The following SEC24A variants were observed in gnomAD, a reference collection of about 807,000 sequenced individuals.
SEC24A encodes the protein SEC24 homolog A, COPII component, also known as protein transport protein Sec24A.
A neutral mutation model predicts 129.4 loss-of-function variants in SEC24A; 93 were observed. The ratio of observed to expected loss-of-function variants is 0.72; its 90% CI spans 0.61 to 0.85. The LOEUF is 0.85. SEC24A is among the 40% of genes least tolerant of loss of function. The pLI, the probability that SEC24A is intolerant of heterozygous loss-of-function variation, is 0.00. For missense variants in SEC24A, 1,264 were observed against 1,307.4 expected, an observed-to-expected ratio of 0.97 and a Z score of 0.51; for synonymous variants, 460 against 467.3, an observed-to-expected ratio of 0.98 and a Z score of 0.20.
intron 3 of SEC24A, among the ~76,000 whole-genome samples, chr5:134,669,185 A>T (rs1750768351): frequency 6.6e-6 from 1 of 150,780 alleles, no homozygotes; most frequent in Admixed American, 6.6e-5. Context: ...TTTTTTTTTG[A>T]GAGGGAGTTT....
intron 13 of SEC24A, among the ~76,000 whole-genome samples, chr5:134,695,224 T>G (rs1160787533): frequency 6.6e-6 from 1 of 151,828 alleles, no homozygotes; most frequent in Non-Finnish European, 1.5e-5. Context: ...CAAAAAAAAT[T>G]AGCCAGGTGT....
intron 15 of SEC24A, among the ~76,000 whole-genome samples, chr5:134,700,144 G>A (rs1018247196): frequency 2.6e-5 from 4 of 151,874 alleles, no homozygotes; most frequent in African/African-American, 9.7e-5. Flanking sequence ...GGGGTGTGGA[G>A]CACAGATTGA....
At position 134,723,019 on chromosome 5, in the gene SEC24A, G is replaced by T. The variant is rs140655794; in HGVS notation, c.3064-548G>T. On this transcript the variant is annotated intron_variant, in intron 21 of 22. Coordinates refer to ENST00000398844, the MANE Select transcript of SEC24A (RefSeq NM_021982.3). ...AAAATACAAAAATTACCTGGCAGGT[G>T]GCACACGCCTCTTATTCCAGCTACT... Among the ~76,000 whole-genome samples the T allele has an allele frequency of 4.8e-3, 737 of 152,246 alleles. 3 individuals carry two copies. The highest frequency in any genetic ancestry group is 0.017 in the African/African-American group (706 of 41,544).
intron 3 of SEC24A, among the ~76,000 whole-genome samples, chr5:134,670,662 A>G (rs1201932408): frequency 2.0e-5 from 3 of 152,186 alleles, no homozygotes; most frequent in Admixed American, 6.5e-5. Flanking sequence ...GTCATCTTCA[A>G]ATTAATTTGG....
rs1406500101 is a variant in SEC24A at position 134,679,848 on chromosome 5, A to G, written c.1381+120A>G. On this transcript the variant is annotated intron_variant, in intron 8 of 22. Transcript: ENST00000398844. ...TTATTTACCTCTAGTCAATCCTTCC[A>G]CTCAGAGAAAACTACAGGTAACTTT... 9.4e-6 allele frequency: 6 copies of G among 641,466 alleles called. No individual in the cohort carries two copies. In the African/African-American group the frequency reaches 1.1e-4, roughly 12 times the overall value. 39.7% of individuals were successfully genotyped at this position (641,466 alleles called of 1,614,324 possible). A position where few individuals can be genotyped will look rare whatever the true frequency, so the allele number is the denominator to read the frequency against.
intron 11 of SEC24A, among the ~76,000 whole-genome samples, chr5:134,691,272 A>T (rs1173048398): frequency 6.7e-6 from 1 of 149,486 alleles, no homozygotes; most frequent in African/African-American, 2.5e-5. Flanking sequence ...TCCTGGGTTC[A>T]AGCAATTCTC....
intron 7 of SEC24A, 88 bp downstream of exon 7, chr5:134,676,213 T>A: frequency 1.2e-6 from 1 of 847,534 alleles, no homozygotes; most frequent in South Asian, 1.8e-5. Flanking sequence ...AGTCTCAGCT[T>A]ATTGCAACCT....
At chr5:134,652,826 ACT>A (rs1417007114) in intron 1 of SEC24A, among the ~76,000 whole-genome samples, 1 of 143,166 alleles carries the variant, frequency 7.0e-6, no homozygotes, top group Non-Finnish European at 1.5e-5. Context: ...ACGGAGTCTC[ACT>A]CTGTCACCCA....
At chr5:134,671,498 T>C (rs1750861092) in intron 3 of SEC24A, among the ~76,000 whole-genome samples, 1 of 152,212 alleles carries the variant, frequency 6.6e-6, no homozygotes, top group Non-Finnish European at 1.5e-5. Context: ...AAGAACCATC[T>C]TTTGCTAGAA....
chr5:134,715,790 A>G (rs2150111641), intron 19 of SEC24A, among the ~76,000 whole-genome samples: 1 of 151,166 alleles, frequency 6.6e-6, no homozygotes, highest in East Asian at 2.0e-4. Context: ...ACACCATGGC[A>G]CATGTATGCC....
chr5:134,682,511 C>T (rs761194265), intron 9 of SEC24A, 29 bp downstream of exon 9: 5 of 1,147,734 alleles, frequency 4.4e-6, no homozygotes, highest in African/African-American at 1.6e-5. Flanking sequence ...ATACAGTATA[C>T]CCATTTTTTA....
Position 134,658,270 on chromosome 5 carries a change from C to CA in SEC24A, c.98-2840dup, listed in dbSNP as rs200522436. Among the ~76,000 whole-genome samples the CA allele has an allele frequency of 3.4e-3, 512 of 150,202 alleles. 4 individuals carry two copies. The highest frequency in any genetic ancestry group is 0.012 in the African/African-American group (489 of 40,958). On this transcript the variant is annotated intron_variant, in intron 1 of 22. Transcript: ENST00000398844. Reference sequence around the variant, plus strand: ...TGGGCAACAGAGCGAGACTCTGTCTCAAAAAAAAATCAAAAGCAATATAAT... The same window carrying CA: ...TGGGCAACAGAGCGAGACTCTGTCTCAAAAAAAAAATCAAAAGCAATATAAT...
intron 4 of SEC24A, among the ~76,000 whole-genome samples, chr5:134,673,258 G>A (rs887645650): frequency 6.6e-6 from 1 of 151,502 alleles, no homozygotes; most frequent in Non-Finnish European, 1.5e-5. Context: ...GTTTAACCAC[G>A]TTGGCCAGGA....
chr5:134,723,170 A>C (rs953339976), intron 21 of SEC24A, among the ~76,000 whole-genome samples: 1 of 151,906 alleles, frequency 6.6e-6, no homozygotes, highest in African/African-American at 2.4e-5. Context: ...AAAATAAGTT[A>C]AATTTGAGAA....
At chr5:134,713,152 C>T (rs1324505144) in intron 18 of SEC24A, among the ~76,000 whole-genome samples, 1 of 151,874 alleles carries the variant, frequency 6.6e-6, no homozygotes, top group Non-Finnish European at 1.5e-5. Context: ...AGGATGGTCT[C>T]GATCTCCTGA....
intron 15 of SEC24A, among the ~76,000 whole-genome samples, chr5:134,699,510 A>G (rs1231995388): frequency 6.6e-6 from 1 of 151,666 alleles, no homozygotes; most frequent in Non-Finnish European, 1.5e-5. Flanking sequence ...CATGTTAGCC[A>G]GGATGGTCTC....
chr5:134,682,293 C>A, intron 8 of SEC24A, 80 bp from the exon 9 acceptor site: 2 of 674,402 alleles, frequency 3.0e-6, no homozygotes, highest in Non-Finnish European at 5.1e-6. Flanking sequence ...GTCATCTTTT[C>A]AAGGAAGAAA....
intron 21 of SEC24A, among the ~76,000 whole-genome samples, chr5:134,721,578 AAAAG>A (rs1374300219): frequency 1.3e-5 from 2 of 151,664 alleles, no homozygotes; most frequent in Non-Finnish European, 2.9e-5. Context: ...AAAAAAAAAA[AAAAG>A]ATAGATATGC....
chr5:134,693,364 C>T lies in SEC24A; in HGVS notation c.1780-363C>T, dbSNP rs769133728. The stretch of plus-strand genomic sequence containing the variant: ...ATTTGCAACAGGGAAGAGCTAAACT[C>T]GCTTTGGAACTTACAAGAATAAAGT... On this transcript the variant is annotated intron_variant, in intron 12 of 22. Coordinates refer to ENST00000398844, the MANE Select transcript of SEC24A (RefSeq NM_021982.3). The T allele has an allele frequency of 2.9e-6, 4 of 1,359,338 alleles. No individual in the cohort carries two copies. In the East Asian group the frequency reaches 8.6e-5, roughly 29 times the overall value. 84.2% of individuals were successfully genotyped at this position (1,359,338 alleles called of 1,614,324 possible). A position where few individuals can be genotyped will look rare whatever the true frequency, so the allele number is the denominator to read the frequency against.
Sources: allele counts gnomAD v4.1 joint callset (sites outside exome capture counted in the v4.1 genomes callset), GRCh38; gene constraint gnomAD v4.1.1; transcripts MANE v1.5; gene names NCBI Gene and HGNC (gene_info 2026-07-23, HGNC 2026-07-21).